SCML4: variants seen among roughly 807,000 people sequenced by gnomAD.
SCML4 encodes the protein Scm polycomb group protein like 4, also known as sex comb on midleg-like protein 4.
Under a neutral mutation model 41.1 loss-of-function variants are expected in SCML4, and 34 were observed. The observed-to-expected ratio is 0.83, with a 90% CI of 0.63 to 1.10. The LOEUF (loss-of-function observed/expected upper bound fraction) is 1.10, where lower values mean the gene tolerates loss of function less well. Ranked by LOEUF, SCML4 falls within the 50% of genes least tolerant of loss-of-function variation. The probability of loss-of-function intolerance (pLI) is 0.00; values close to 1 mark genes in which losing one functional copy is unlikely to be tolerated. For synonymous variants in SCML4, 214 were observed against 220.9 expected (o/e 0.97, Z 0.28); for missense variants, 522 against 534.1 (o/e 0.98, Z 0.22).
chr6:107,761,563 AG>A (rs1196299182), intron 2 of SCML4, among the ~76,000 whole-genome samples: 13 of 151,972 alleles, frequency 8.6e-5, no homozygotes, highest in Admixed American at 4.6e-4. Flanking sequence ...CAGCCTCCCA[AG>A]TAGCTTGGAT....
Position 107,702,927 on chromosome 6 carries a change from T to C in SCML4, c.*2273A>G, listed in dbSNP as rs1241214552. 6.6e-6 allele frequency among the ~76,000 whole-genome samples: 1 copy of C among 152,158 alleles called. No homozygotes were observed. Among genetic ancestry groups the C allele is most frequent in the Non-Finnish European group, 1.5e-5 (1 of 68,022 alleles). On this transcript the variant is annotated 3_prime_UTR_variant, in exon 8 of 8. Coordinates refer to ENST00000369020, the MANE Select transcript of SCML4 (RefSeq NM_198081.5). ...GGAGGTCAGCACAAGATATAGGTCATAAAGACCTTCTGATAAAACAGGTTG... is the reference window on the plus strand; with the variant it reads ...GGAGGTCAGCACAAGATATAGGTCACAAAGACCTTCTGATAAAACAGGTTG...
At chr6:107,842,328 G>T in the SCML4 span, among the ~76,000 whole-genome samples, 1 of 151,962 alleles carries the variant, frequency 6.6e-6, no homozygotes, top group African/African-American at 2.4e-5. Flanking sequence ...TTTCTTTATG[G>T]TTCAAAATAT....
intron 7 of SCML4, 137 bp from the exon 8 acceptor site, chr6:107,705,462 G>T: frequency 1.4e-6 from 1 of 725,462 alleles, no homozygotes; most frequent in Non-Finnish European, 2.2e-6. Context: ...TCTTGGTCCT[G>T]GGGCAAGGTC....
At chr6:107,825,914 G>A (rs546257696), upstream of SCML4, among the ~76,000 whole-genome samples, 10 of 125,628 alleles carry the variant, frequency 8.0e-5, no homozygotes, top group South Asian at 2.1e-3. Flanking sequence ...TCCAGCCTGG[G>A]TGACAGAGCG....
Position 107,702,521 on chromosome 6 carries a change from C to G in SCML4, c.*2679G>C, listed in dbSNP as rs1193522038. ...GTATCTGTTGATGGAAGAGGTACCA[C>G]AAGTATCGGAAGATTGAGAAAAAAA... On this transcript the variant is annotated 3_prime_UTR_variant, in exon 8 of 8. Coordinates refer to ENST00000369020, the MANE Select transcript of SCML4 (RefSeq NM_198081.5). Among the ~76,000 whole-genome samples, 1 of 152,044 alleles carries G rather than the reference C, an allele frequency of 6.6e-6. No homozygotes were observed. Among genetic ancestry groups the G allele is most frequent in the Non-Finnish European group, 1.5e-5 (1 of 68,026 alleles).
chr6:107,743,238 G>A (rs927549672), intron 5 of SCML4, among the ~76,000 whole-genome samples: 1 of 152,130 alleles, frequency 6.6e-6, no homozygotes, highest in Non-Finnish European at 1.5e-5. Flanking sequence ...CCCTGACCTG[G>A]ACATATCAAT....
intron 1 of SCML4, among the ~76,000 whole-genome samples, chr6:107,778,106 T>C (rs1463862842): frequency 6.8e-6 from 1 of 147,718 alleles, no homozygotes; most frequent in Non-Finnish European, 1.5e-5. Flanking sequence ...GTCCCAGCTA[T>C]TCGGGAGTTG....
intron 5 of SCML4, 40 bp from the exon 6 acceptor site, chr6:107,721,033 G>T: frequency 6.4e-7 from 1 of 1,554,724 alleles, no homozygotes; most frequent in Non-Finnish European, 8.7e-7. Context: ...ATATCAGAGA[G>T]CAGTTCAGGA....
At chr6:107,748,534 T>C (rs1416501589) in intron 3 of SCML4, among the ~76,000 whole-genome samples, 2 of 152,202 alleles carry the variant, frequency 1.3e-5, no homozygotes. Context: ...TAGCCAGTGA[T>C]GCAAAGGAAT....
chr6:107,819,681 A>T (rs1784807922), intron 1 of SCML4, among the ~76,000 whole-genome samples: 1 of 151,856 alleles, frequency 6.6e-6, no homozygotes, highest in South Asian at 2.1e-4. Flanking sequence ...AAAAAAAAAA[A>T]AAAAGCACAT....
intron 1 of SCML4, among the ~76,000 whole-genome samples, chr6:107,801,838 C>T (rs1340133577): frequency 1.3e-5 from 2 of 151,932 alleles, no homozygotes; most frequent in East Asian, 3.9e-4. Flanking sequence ...GATCTCGGCT[C>T]ACCACAACCT....
chr6:107,780,679 C>T (rs944264406), intron 1 of SCML4, among the ~76,000 whole-genome samples: 2 of 151,902 alleles, frequency 1.3e-5, no homozygotes, highest in Non-Finnish European at 2.9e-5. Flanking sequence ...TGCACTCCAG[C>T]CTAGGCGACA....
chr6:107,712,198 C>A (rs1366022190), intron 6 of SCML4, among the ~76,000 whole-genome samples: 1 of 152,086 alleles, frequency 6.6e-6, no homozygotes, highest in Non-Finnish European at 1.5e-5. Flanking sequence ...AGAACATTGG[C>A]GTTAATCAGG....
At chr6:107,800,781 T>C (rs1443392655) in intron 1 of SCML4, among the ~76,000 whole-genome samples, 1 of 152,156 alleles carries the variant, frequency 6.6e-6, no homozygotes, top group East Asian at 1.9e-4. Flanking sequence ...TGGAGACACA[T>C]TGCAAGTCTG....
chr6:107,828,398 C>T (rs1244877477), upstream of SCML4, among the ~76,000 whole-genome samples: 1 of 152,206 alleles, frequency 6.6e-6, no homozygotes, highest in Admixed American at 6.5e-5. Context: ...ATCTCTAACT[C>T]AAAACATCGG....
At chr6:107,747,710 T>G (rs981137192) in intron 3 of SCML4, among the ~76,000 whole-genome samples, 2 of 152,108 alleles carry the variant, frequency 1.3e-5, no homozygotes, top group Admixed American at 1.3e-4. Flanking sequence ...GGAATCTTTA[T>G]GAATTTTGCA....
In SCML4 at chr6:107,817,621, AAAAAAAAAAAAAAAG is replaced by A. The variant is rs1784642698; in HGVS notation, c.-60+6490_-60+6504del. On this transcript the variant is annotated intron_variant, in intron 1 of 7. Coordinates refer to ENST00000369020, the MANE Select transcript of SCML4 (RefSeq NM_198081.5). ...GGGCAACAGAGGAAGACTTCATCTCAAAAAAAAAAAAAAAGAAAAAAAAAAATCACTGAATGTACT... is the reference window on the plus strand; with the variant it reads ...GGGCAACAGAGGAAGACTTCATCTCAAAAAAAAAAAATCACTGAATGTACT... Among the ~76,000 whole-genome samples, 3 of 10,506 alleles carry A rather than the reference AAAAAAAAAAAAAAAG, an allele frequency of 2.9e-4. No individual in the cohort carries two copies. The South Asian group carries it at 0.019, about 65-fold the overall frequency. The allele number at this position is 10,506 out of a possible 152,430, so 6.9% of individuals were successfully genotyped here. A position where few individuals can be genotyped will look rare whatever the true frequency, so the allele number is the denominator to read the frequency against.
chr6:107,833,029 A>C, the SCML4 span, among the ~76,000 whole-genome samples: 2 of 152,228 alleles, frequency 1.3e-5, no homozygotes, highest in Non-Finnish European at 2.9e-5. Flanking sequence ...GAAGGAGGCC[A>C]CTATGCGGGG....
chr6:107,751,582 C>A (rs1778638368), intron 2 of SCML4, among the ~76,000 whole-genome samples: 1 of 101,286 alleles, frequency 9.9e-6, no homozygotes, highest in African/African-American at 4.1e-5. Context: ...ATCTTTCTTT[C>A]TTTCTTTCTT....
Sources: allele counts gnomAD v4.1 joint callset (sites outside exome capture counted in the v4.1 genomes callset), GRCh38; gene constraint gnomAD v4.1.1; transcripts MANE v1.5; gene names NCBI Gene and HGNC (gene_info 2026-07-23, HGNC 2026-07-21).